SLC24A3: variants seen among roughly 807,000 people sequenced by gnomAD.
The protein encoded by SLC24A3 is solute carrier family 24 member 3.
A neutral mutation model predicts 75.8 loss-of-function variants in SLC24A3; 28 were observed. The observed-to-expected ratio is 0.37, with a 90% confidence interval of 0.27 to 0.51. The LOEUF is 0.51. SLC24A3 is among the 20% of genes least tolerant of loss of function. SLC24A3 has a pLI of 0.94. For synonymous variants in SLC24A3, 372 were observed against 334.1 expected (o/e 1.11, Z -1.24); for missense variants, 663 against 847.8 (o/e 0.78, Z 2.71).
At chr20:19,578,552 C>A (rs2122630434) in intron 3 of SLC24A3, among the ~76,000 whole-genome samples, 1 of 151,966 alleles carries the variant, frequency 6.6e-6, no homozygotes. Flanking sequence ...CCCTGACTCT[C>A]CACTGTGTGA....
intron 6 of SLC24A3, among the ~76,000 whole-genome samples, chr20:19,632,664 C>T (rs1448559076): frequency 6.6e-6 from 1 of 152,244 alleles, no homozygotes; most frequent in East Asian, 1.9e-4. Flanking sequence ...CTAGTCATAC[C>T]AGGCACTGTG....
chr20:19,419,705 G>C (rs1986884770), intron 2 of SLC24A3, among the ~76,000 whole-genome samples: 1 of 152,104 alleles, frequency 6.6e-6, no homozygotes, highest in East Asian at 1.9e-4. Flanking sequence ...CCTTCCCGTG[G>C]GAGGCAGTGC....
At chr20:19,695,105 C>T (rs1301506222) in intron 13 of SLC24A3, among the ~76,000 whole-genome samples, 1 of 152,136 alleles carries the variant, frequency 6.6e-6, no homozygotes, top group Non-Finnish European at 1.5e-5. Flanking sequence ...CAGTACTGAA[C>T]AGAAATGAGC....
chr20:19,590,513 C>T (rs2031360615), intron 6 of SLC24A3, among the ~76,000 whole-genome samples: 1 of 152,160 alleles, frequency 6.6e-6, no homozygotes, highest in South Asian at 2.1e-4. Context: ...GGCCTAACAT[C>T]CATTCCAGGG....
intron 8 of SLC24A3, among the ~76,000 whole-genome samples, chr20:19,669,501 C>CA (rs750019488): frequency 0.025 from 3,035 of 120,476 alleles, 71 homozygotes; most frequent in African/African-American, 0.067. Context: ...GACTCTGTCT[C>CA]AAAAAAAAAA....
At chr20:19,658,988 A>G (rs2122714601) in intron 7 of SLC24A3, among the ~76,000 whole-genome samples, 1 of 152,370 alleles carries the variant, frequency 6.6e-6, no homozygotes, top group African/African-American at 2.4e-5. Flanking sequence ...ATAAATGCAA[A>G]TGATTCATTA....
At chr20:19,383,640 T>C (rs1310898842) in intron 2 of SLC24A3, among the ~76,000 whole-genome samples, 1 of 152,142 alleles carries the variant, frequency 6.6e-6, no homozygotes, top group African/African-American at 2.4e-5. Context: ...ACTTTTGTCT[T>C]GGTCAGTTGG....
chr20:19,511,225 C>G (rs1030031520), intron 2 of SLC24A3, among the ~76,000 whole-genome samples: 1 of 152,170 alleles, frequency 6.6e-6, no homozygotes. Context: ...TCAAATCTTT[C>G]TCTCAGGGTC....
intron 1 of SLC24A3, among the ~76,000 whole-genome samples, chr20:19,230,359 T>C (rs1289095216): frequency 6.6e-6 from 1 of 152,182 alleles, no homozygotes; most frequent in African/African-American, 2.4e-5. Flanking sequence ...CTCCTGCTCC[T>C]TCTACCTTGT....
At chr20:19,484,546 A>G (rs990651620) in intron 2 of SLC24A3, among the ~76,000 whole-genome samples, 1 of 152,262 alleles carries the variant, frequency 6.6e-6, no homozygotes, top group Non-Finnish European at 1.5e-5. Flanking sequence ...TACACAACGG[A>G]TGAGCCTTGA....
intron 2 of SLC24A3, among the ~76,000 whole-genome samples, chr20:19,351,353 C>G (rs1221553262): frequency 6.6e-6 from 1 of 152,226 alleles, no homozygotes; most frequent in East Asian, 1.9e-4. Context: ...CATCAGCAGA[C>G]AGTATCATCG....
At chr20:19,234,311 C>G (rs1044299162) in intron 1 of SLC24A3, among the ~76,000 whole-genome samples, 3 of 152,204 alleles carry the variant, frequency 2.0e-5, no homozygotes, top group Non-Finnish European at 4.4e-5. Context: ...GGAAAGTTTG[C>G]TTAACGAAGT....
In SLC24A3 at chr20:19,721,156, C is replaced by T. The variant is rs2033101149; in HGVS notation, c.*16C>T. ...GGACCACTGAGCCGCCGGGTGCCCACAGAGGCTCAGCTCCTTCTTTTCTGT... is the reference window on the plus strand; with the variant it reads ...GGACCACTGAGCCGCCGGGTGCCCATAGAGGCTCAGCTCCTTCTTTTCTGT... On this transcript the variant is annotated 3_prime_UTR_variant, in exon 17 of 17. Coordinates refer to ENST00000328041, the MANE Select transcript of SLC24A3 (RefSeq NM_020689.4). 2 of 1,613,530 alleles carry T rather than the reference C, an allele frequency of 1.2e-6. No individual in the cohort carries two copies. The highest frequency in any genetic ancestry group is 1.7e-5 in the Admixed American group (1 of 59,992).
chr20:19,487,735 C>T (rs945940759), intron 2 of SLC24A3, among the ~76,000 whole-genome samples: 11 of 152,168 alleles, frequency 7.2e-5, no homozygotes, highest in African/African-American at 1.4e-4. Flanking sequence ...CTGTATGCCA[C>T]GCTAATATCC....
chr20:19,441,294 G>A (rs1301747255), intron 2 of SLC24A3, among the ~76,000 whole-genome samples: 1 of 152,100 alleles, frequency 6.6e-6, no homozygotes, highest in Admixed American at 6.5e-5. Flanking sequence ...AAGTAATGAC[G>A]GTTGACACCT....
intron 3 of SLC24A3, among the ~76,000 whole-genome samples, chr20:19,555,765 T>C (rs2030772543): frequency 6.6e-6 from 1 of 152,170 alleles, no homozygotes; most frequent in Non-Finnish European, 1.5e-5. Context: ...TACTCTGAGT[T>C]TTGAAGGACC....
chr20:19,616,601 C>T (rs183213091), intron 6 of SLC24A3, among the ~76,000 whole-genome samples: 3 of 152,284 alleles, frequency 2.0e-5, no homozygotes, highest in Admixed American at 2.0e-4. Flanking sequence ...ACAGTAGGCA[C>T]TTGGACTATG....
intron 2 of SLC24A3, among the ~76,000 whole-genome samples, chr20:19,352,106 T>A (rs1459407067): frequency 2.2e-5 from 3 of 138,570 alleles, no homozygotes; most frequent in African/African-American, 8.0e-5. Flanking sequence ...AGCTCAGCCT[T>A]GGCCTGAACC....
chr20:19,403,341 A>G (rs999648855), intron 2 of SLC24A3, among the ~76,000 whole-genome samples: 5 of 152,190 alleles, frequency 3.3e-5, no homozygotes, highest in Admixed American at 6.5e-5. Context: ...TCTATTATAG[A>G]GAATGAAGTT....
Sources: gnomAD v4.1 joint callset for allele counts (sites outside exome capture counted in the v4.1 genomes callset) on GRCh38, gnomAD v4.1.1 for gene constraint, MANE v1.5 for transcripts, NCBI Gene and HGNC (gene_info 2026-07-23, HGNC 2026-07-21) for gene names.